Variants in FGD6 observed in about 807,000 individuals in gnomAD.
FGD6 encodes the protein FYVE, RhoGEF and PH domain containing 6, also known as FYVE, RhoGEF and PH domain-containing protein 6.
Under a neutral mutation model 149.4 loss-of-function variants are expected in FGD6, and 90 were observed. The observed-to-expected ratio is 0.60, with a 90% confidence interval of 0.51 to 0.72. The LOEUF is 0.72. FGD6 is among the 30% of genes least tolerant of loss of function. The pLI, the probability that FGD6 is intolerant of heterozygous loss-of-function variation, is 0.00. For synonymous variants in FGD6, 527 were observed against 584.0 expected (o/e 0.90, Z 1.41); for missense variants, 1,437 against 1,684.8 (o/e 0.85, Z 2.57).
chr12:95,132,027 A>G (rs1385447068), intron 8 of FGD6, among the ~76,000 whole-genome samples: 1 of 152,194 alleles, frequency 6.6e-6, no homozygotes, highest in Non-Finnish European at 1.5e-5. Context: ...GTAACAGGCA[A>G]GATTTCATCT....
Position 95,209,630 on chromosome 12 carries a change from A to G in FGD6, c.1654T>C (p.Ser552Pro). The G allele has an allele frequency of 6.2e-7, 1 of 1,613,684 alleles. No individual in the cohort carries two copies. The highest frequency in any genetic ancestry group is 8.5e-7 in the Non-Finnish European group (1 of 1,179,922). ...CGTTTAGGCATATCAAAGGAGGATG[A>G]CACACCACGGTTTTGGGCACACAAA... ...QHLCAQNRGVSSSFDMPKRAS... is the reference protein window; with the variant it reads ...QHLCAQNRGVPSSFDMPKRAS... Residue 552 changes from serine to proline, a missense_variant, in exon 2 of 21, where the codon TCA (serine) becomes CCA (proline). Physicochemically the swap from Ser to Pro is moderately conservative, Grantham distance 74. Coordinates refer to ENST00000343958, the MANE Select transcript of FGD6 (RefSeq NM_018351.4).
At position 95,084,513 on chromosome 12, in the gene FGD6, G is replaced by A; in HGVS notation, c.4241C>T (p.Ala1414Val). Residue 1414 changes from alanine (A) to valine (V), a missense_variant, in exon 20 of 21, where the codon GCT (alanine) becomes GTT (valine). Physicochemically the swap from Ala to Val is moderately conservative, Grantham distance 64. Transcript: ENST00000343958. ...MLFYVFKAEDAHSAQKWIEAF... is the reference protein window; with the variant it reads ...MLFYVFKAEDVHSAQKWIEAF... Reference sequence around the variant, plus strand: ...GATTACTTACTTCTGAGCCGAATGAGCATCCTCTGCTTTGAATACATAAAA... The same window carrying A: ...GATTACTTACTTCTGAGCCGAATGAACATCCTCTGCTTTGAATACATAAAA... 6.4e-7 allele frequency: 1 copy of A among 1,567,890 alleles called. No homozygotes were observed. The highest frequency in any genetic ancestry group is 8.6e-7 in the Non-Finnish European group (1 of 1,164,304).
rs770472788 is a variant in FGD6 at position 95,108,543 on chromosome 12, A to G, written c.3152T>C (p.Ile1051Thr). Residue 1051 changes from isoleucine to threonine, a missense_variant, in exon 10 of 21, where the codon ATA (isoleucine) becomes ACA (threonine). Physicochemically the swap from Ile to Thr is moderately conservative, Grantham distance 89 (BLOSUM62 -1). Transcript: ENST00000343958. ...GTCATTGGCGTGGTTGGCTACCTCTATAACAACAGCAAGGGCATCTGAAAT... is the reference window on the plus strand; with the variant it reads ...GTCATTGGCGTGGTTGGCTACCTCTGTAACAACAGCAAGGGCATCTGAAAT... ...RDTQDALAVV[I>T]EVANHANDTM... 18 of 1,613,976 alleles carry G rather than the reference A, an allele frequency of 1.1e-5. No homozygotes were observed. Among genetic ancestry groups the G allele is most frequent in the Non-Finnish European group, 1.3e-5 (15 of 1,179,954 alleles).
At chr12:95,170,079 C>T (rs1215358545) in intron 3 of FGD6, among the ~76,000 whole-genome samples, 1 of 151,960 alleles carries the variant, frequency 6.6e-6, no homozygotes, top group African/African-American at 2.4e-5. Context: ...CGAGATAGTG[C>T]CACTGCACTC....
chr12:95,209,150 T>C lies in FGD6; in HGVS notation c.2134A>G (p.Ser712Gly). The change falls in exon 2 of 21, where the codon AGT becomes GGT. Residue 712 changes from serine to glycine, a missense_variant. Physicochemically the swap from Ser to Gly is moderately conservative, Grantham distance 56 (BLOSUM62 0). Transcript: ENST00000343958. ...TCAGCTCTCAGACCATTAGCTGCAC[T>C]GGTCTGGCCCCGAGACTTCTTCCTC... is the stretch of plus-strand genomic sequence containing the variant. ...KKRKKSRGQT[S>G]AANGLRAESL... is the part of the protein sequence containing the mutation. 6.2e-7 allele frequency: 1 copy of C among 1,614,210 alleles called. No individual in the cohort carries two copies. The highest frequency in any genetic ancestry group is 8.5e-7 in the Non-Finnish European group (1 of 1,180,024).
At chr12:95,117,268 G>GA (rs2136246422) in intron 8 of FGD6, among the ~76,000 whole-genome samples, 1 of 152,244 alleles carries the variant, frequency 6.6e-6, no homozygotes, top group South Asian at 2.1e-4. Context: ...GGTTCAGCAT[G>GA]TAGGTACACT....
chr12:95,149,466 TCA>T (rs998389603), intron 5 of FGD6, among the ~76,000 whole-genome samples: 6 of 132,880 alleles, frequency 4.5e-5, no homozygotes, highest in Non-Finnish European at 7.7e-5. Flanking sequence ...ATATTATACA[TCA>T]CATAGTATAT....
Position 95,209,925 on chromosome 12 carries a change from C to T in FGD6, c.1359G>A (p.Met453Ile), listed in dbSNP as rs1384154632. Reference protein sequence around the residue: ...GTGFIRCTVSMSLPKQLKLTC... With the variant: ...GTGFIRCTVSISLPKQLKLTC... ...TTAATTTGAGCTGCTTAGGCAGGCT[C>T]ATAGATACAGTACATCTTATAAAAC... The change falls in exon 2 of 21, where the codon ATG becomes ATA. Residue 453 changes from methionine (M) to isoleucine (I), a missense_variant. Transcript: ENST00000343958. The T allele has an allele frequency of 6.2e-7, 1 of 1,613,600 alleles. No individual in the cohort carries two copies. Among genetic ancestry groups the T allele is most frequent in the Non-Finnish European group, 8.5e-7 (1 of 1,179,928 alleles).
intron 3 of FGD6, among the ~76,000 whole-genome samples, chr12:95,164,216 C>G (rs1255140493): frequency 6.9e-6 from 1 of 145,964 alleles, no homozygotes; most frequent in Non-Finnish European, 1.5e-5. Flanking sequence ...GCTAGCCCAG[C>G]TTTGTAAATT....
In FGD6 at chr12:95,210,243, G is replaced by A. The variant is rs2056718029; in HGVS notation, c.1041C>T (p.Ser347=). 1 of 1,614,138 alleles carries A rather than the reference G, an allele frequency of 6.2e-7. No individual in the cohort carries two copies. Among genetic ancestry groups the A allele is most frequent in the Non-Finnish European group, 8.5e-7 (1 of 1,180,004 alleles). The change falls in exon 2 of 21, where the codon AGC becomes AGT. Residue 347 remains serine, a synonymous_variant. Coordinates refer to ENST00000343958, the MANE Select transcript of FGD6 (RefSeq NM_018351.4). ...AACTATTTTCAGTAAGACAGGAAGA[G>A]CTACTGTCTGAATTCCCCGGTTCTT... is the stretch of plus-strand genomic sequence containing the variant. The part of the protein sequence containing the change: ...STEEPGNSDS[S]SSCLTENSLK...
At chr12:95,148,512 T>C (rs1333108590) in intron 5 of FGD6, among the ~76,000 whole-genome samples, 1 of 117,212 alleles carries the variant, frequency 8.5e-6, no homozygotes, top group Non-Finnish European at 1.8e-5. Context: ...ATATAGCATA[T>C]ATTATATTAT....
In FGD6 at chr12:95,079,005, A is replaced by C. The variant is rs1446190615; in HGVS notation, c.*2515T>G. The C allele has an allele frequency of 2.6e-5, 4 of 152,206 alleles. No homozygotes were observed. Among genetic ancestry groups the C allele is most frequent in the Non-Finnish European group, 4.4e-5 (3 of 68,026 alleles). The allele number at this position is 152,206 out of a possible 1,614,324, so 9.4% of individuals were successfully genotyped here. A position where few individuals can be genotyped will look rare whatever the true frequency, so the allele number is the denominator to read the frequency against. On this transcript the variant is annotated 3_prime_UTR_variant, in exon 21 of 21. Transcript: ENST00000343958. ...ACTTAACTTTTCTCCCCATTTATAG[A>C]CTGTGCCCAATATCATTTTTCCTCT...
chr12:95,207,848 G>A (rs2056700787), intron 2 of FGD6, among the ~76,000 whole-genome samples: 1 of 152,218 alleles, frequency 6.6e-6, no homozygotes, highest in South Asian at 2.1e-4. Flanking sequence ...CTAGGTAATT[G>A]TAGAAGCTTA....
chr12:95,130,262 C>T (rs1204489914), intron 8 of FGD6, among the ~76,000 whole-genome samples: 1 of 152,070 alleles, frequency 6.6e-6, no homozygotes, highest in Admixed American at 6.6e-5. Context: ...AAAAGGATTC[C>T]AGAAGAAACC....
At chr12:95,099,074 A>G (rs1878334449) in intron 14 of FGD6, among the ~76,000 whole-genome samples, 1 of 152,010 alleles carries the variant, frequency 6.6e-6, no homozygotes, top group Non-Finnish European at 1.5e-5. Flanking sequence ...ACGGGGTTTC[A>G]CCATGTTGGC....
intron 5 of FGD6, among the ~76,000 whole-genome samples, chr12:95,144,833 C>G (rs573572759): frequency 6.6e-6 from 1 of 151,380 alleles, no homozygotes; most frequent in Admixed American, 6.6e-5. Flanking sequence ...GGATTACAGG[C>G]GCTTGCCACC....
intron 5 of FGD6, among the ~76,000 whole-genome samples, chr12:95,151,598 A>G (rs1252127781): frequency 6.6e-6 from 1 of 152,206 alleles, no homozygotes; most frequent in African/African-American, 2.4e-5. Flanking sequence ...GACCAAGTAC[A>G]GAGCACAGGT....
chr12:95,094,502 A>G (rs1878175436), intron 15 of FGD6, 90 bp downstream of exon 15: 1 of 821,776 alleles, frequency 1.2e-6, no homozygotes, highest in African/African-American at 1.7e-5. Context: ...ATTTTCTGAA[A>G]CACATGTTGC....
At chr12:95,145,743 C>T (rs945933277) in intron 5 of FGD6, among the ~76,000 whole-genome samples, 2 of 151,962 alleles carry the variant, frequency 1.3e-5, no homozygotes, top group East Asian at 1.9e-4. Flanking sequence ...GGTACGATCT[C>T]GGCTCACTGC....
Sources: gnomAD v4.1 joint callset for allele counts (sites outside exome capture counted in the v4.1 genomes callset) on GRCh38, gnomAD v4.1.1 for gene constraint, MANE v1.5 for transcripts, NCBI Gene and HGNC (gene_info 2026-07-23, HGNC 2026-07-21) for gene names.